The following OR7E24 variants were observed in gnomAD, a reference collection of about 807,000 sequenced individuals.
OR7E24 encodes olfactory receptor family 7 subfamily E member 24, also known as olfactory receptor 7E24.
For missense variants in OR7E24, 385 were observed against 410.3 expected (o/e 0.94, Z 0.53); for synonymous variants, 130 against 157.5 (o/e 0.83, Z 1.31).
chr19:9,235,812 C>T, the OR7E24 span: 7 of 1,611,468 alleles, frequency 4.3e-6, no homozygotes, highest in Non-Finnish European at 5.9e-6. Flanking sequence ...AGATTGTCTC[C>T]TCCTTAATGA....
At chr19:9,207,420 A>G in the OR7E24 span, 1 of 152,202 alleles carries the variant, frequency 6.6e-6, no homozygotes, top group African/African-American at 2.4e-5. Flanking sequence ...CAGGCATGAA[A>G]AGACAAATAT....
At chr19:9,242,395 C>T (rs560083668), upstream of OR7E24, among the ~76,000 whole-genome samples, 1 of 152,140 alleles carries the variant, frequency 6.6e-6, no homozygotes, top group East Asian at 1.9e-4. Flanking sequence ...TATAAGTGTG[C>T]ACCACCACAC....
the OR7E24 span, chr19:9,214,808 T>C: frequency 1.9e-6 from 3 of 1,609,594 alleles, no homozygotes; most frequent in Non-Finnish European, 2.5e-6. Context: ...GGAGAAATTT[T>C]GATAATTCTG....
the OR7E24 span, among the ~76,000 whole-genome samples, chr19:9,224,528 A>G: frequency 0.42 from 63,955 of 151,656 alleles, 17,438 homozygotes; most frequent in African/African-American, 0.78. Context: ...GGCTGAGGCC[A>G]GTGGATCACT....
the OR7E24 span, among the ~76,000 whole-genome samples, chr19:9,221,089 G>C: frequency 6.6e-6 from 1 of 151,730 alleles, no homozygotes; most frequent in African/African-American, 2.4e-5. Flanking sequence ...CCTGGCTAAA[G>C]GTGAAACCCC....
the OR7E24 span, chr19:9,209,151 G>A: frequency 1.3e-5 from 2 of 152,270 alleles, no homozygotes; most frequent in African/African-American, 4.8e-5. Flanking sequence ...CCAACCAAAA[G>A]CGATGTGACA....
chr19:9,214,279 C>T, the OR7E24 span: 8 of 1,614,144 alleles, frequency 5.0e-6, no homozygotes, highest in Admixed American at 1.3e-4. Flanking sequence ...GAGCAGGCCA[C>T]CTTGAGGACC....
chr19:9,219,780 G>C, the OR7E24 span, among the ~76,000 whole-genome samples: 1 of 152,184 alleles, frequency 6.6e-6, no homozygotes, highest in Non-Finnish European at 1.5e-5. Flanking sequence ...TGATAGAATG[G>C]AAATTTTTCA....
At chr19:9,207,817 A>G in the OR7E24 span, 1 of 152,114 alleles carries the variant, frequency 6.6e-6, no homozygotes, top group African/African-American at 2.4e-5. Flanking sequence ...TTTCATGAAC[A>G]CTGAATTTTA....
the OR7E24 span, among the ~76,000 whole-genome samples, chr19:9,216,894 A>C: frequency 6.6e-6 from 1 of 152,204 alleles, no homozygotes; most frequent in African/African-American, 2.4e-5. Context: ...GCCCAGCCTG[A>C]ACTTTTGTTT....
chr19:9,246,466 TTGTGTG>T (rs34518365), upstream of OR7E24, among the ~76,000 whole-genome samples: 2,881 of 131,010 alleles, frequency 0.022, 67 homozygotes, highest in African/African-American at 0.063. Flanking sequence ...CTTAAAGGTA[TTGTGTG>T]TGTGTGTGTG....
the OR7E24 span, among the ~76,000 whole-genome samples, chr19:9,230,165 C>T: frequency 2.0e-4 from 30 of 152,134 alleles, no homozygotes; most frequent in African/African-American, 7.2e-4. Flanking sequence ...CTGCCTCAGC[C>T]TCCTGAGTAG....
upstream of OR7E24, among the ~76,000 whole-genome samples, chr19:9,245,257 T>C (rs10402045): frequency 0.18 from 27,449 of 151,736 alleles, 3,749 homozygotes; most frequent in African/African-American, 0.39. Context: ...TGAATAGACA[T>C]TTCTCTAAAG....
chr19:9,246,453 A>C (rs973666681), upstream of OR7E24, among the ~76,000 whole-genome samples: 52 of 145,544 alleles, frequency 3.6e-4, no homozygotes, highest in African/African-American at 1.3e-3. Flanking sequence ...AAGCTTATTT[A>C]CCCTTAAAGG....
the OR7E24 span, chr19:9,235,024 C>A: frequency 1.8e-6 from 1 of 541,868 alleles, no homozygotes; most frequent in Non-Finnish European, 3.3e-6. Context: ...AATTAGGCTA[C>A]CAAATGGCTG....
At chr19:9,233,551 A>C in the OR7E24 span, among the ~76,000 whole-genome samples, 2 of 152,184 alleles carry the variant, frequency 1.3e-5, no homozygotes, top group Non-Finnish European at 2.9e-5. Flanking sequence ...TCTTGGAAGA[A>C]TCACCTGGCA....
chr19:9,242,488 G>A (rs2066118913), upstream of OR7E24, among the ~76,000 whole-genome samples: 3 of 152,140 alleles, frequency 2.0e-5, no homozygotes, highest in Admixed American at 6.5e-5. Context: ...GACCTCAAGT[G>A]ATCCACCTGC....
the OR7E24 span, among the ~76,000 whole-genome samples, chr19:9,217,489 C>T: frequency 2.0e-5 from 3 of 152,098 alleles, no homozygotes; most frequent in Non-Finnish European, 2.9e-5. Flanking sequence ...GAAGAGGCTT[C>T]TCTGAGATAG....
chr19:9,217,394 T>G, the OR7E24 span, among the ~76,000 whole-genome samples: 1 of 152,230 alleles, frequency 6.6e-6, no homozygotes. Flanking sequence ...AAAAAGGTTG[T>G]TACTATTTAT....
Sources: gnomAD v4.1 joint callset for allele counts (sites outside exome capture counted in the v4.1 genomes callset) on GRCh38, gnomAD v4.1.1 for gene constraint, MANE v1.5 for transcripts, NCBI Gene and HGNC (gene_info 2026-07-23, HGNC 2026-07-21) for gene names.